Variants in SLC35F1 observed in about 807,000 individuals in gnomAD.
SLC35F1 encodes solute carrier family 35 member F1.
SLC35F1 carries 14 observed loss-of-function variants against 48.7 expected under a neutral mutation model. The observed-to-expected ratio is 0.29, with a 90% CI of 0.19 to 0.45. SLC35F1 has a LOEUF of 0.45. SLC35F1 is among the 20% of genes least tolerant of loss of function. The pLI, the probability that SLC35F1 is intolerant of heterozygous loss-of-function variation, is 1.00. For missense variants in SLC35F1, 404 were observed against 500.0 expected, an observed-to-expected ratio of 0.81 and a Z score of 1.83; for synonymous variants, 190 against 202.2, an observed-to-expected ratio of 0.94 and a Z score of 0.51.
intron 6 of SLC35F1, among the ~76,000 whole-genome samples, chr6:118,279,046 C>G (rs1442994910): frequency 1.3e-5 from 2 of 152,144 alleles, no homozygotes. Flanking sequence ...ACAGAGCCAT[C>G]CATTTAATTT....
chr6:117,919,010 C>T (rs1401058755), intron 1 of SLC35F1, among the ~76,000 whole-genome samples: 1 of 152,180 alleles, frequency 6.6e-6, no homozygotes, highest in Non-Finnish European at 1.5e-5. Context: ...ATCTTCCTGC[C>T]TCAGCCTCCC....
At chr6:118,212,219 G>A (rs1163774598) in intron 2 of SLC35F1, among the ~76,000 whole-genome samples, 2 of 152,100 alleles carry the variant, frequency 1.3e-5, no homozygotes, top group African/African-American at 2.4e-5. Context: ...ATTTGTTTCA[G>A]TAGTTGCATC....
intron 2 of SLC35F1, among the ~76,000 whole-genome samples, chr6:118,227,761 G>A (rs1233082670): frequency 6.6e-6 from 1 of 152,180 alleles, no homozygotes; most frequent in Non-Finnish European, 1.5e-5. Context: ...AAAGTGCTGA[G>A]GAACTGGGAA....
intron 1 of SLC35F1, among the ~76,000 whole-genome samples, chr6:118,040,449 C>T (rs1159274406): frequency 5.9e-5 from 9 of 152,124 alleles, no homozygotes. Context: ...TATGGTAGAA[C>T]TGGAAATTAT....
intron 1 of SLC35F1, among the ~76,000 whole-genome samples, chr6:118,056,311 T>C (rs576711486): frequency 1.8e-4 from 28 of 152,354 alleles, no homozygotes; most frequent in African/African-American, 5.3e-4. Flanking sequence ...CAATATCCTT[T>C]TATTTTCATT....
In SLC35F1 at chr6:117,966,765, A is replaced by G. The variant is rs140651725; in HGVS notation, c.173+58866A>G. ...CTGTGTCCAAATTTCCTCTTCTTGTAAAGCCATTAGCCATATTGGATTATG... is the reference window on the plus strand; with the variant it reads ...CTGTGTCCAAATTTCCTCTTCTTGTGAAGCCATTAGCCATATTGGATTATG... On this transcript the variant is annotated intron_variant, in intron 1 of 7. Coordinates refer to ENST00000360388, the MANE Select transcript of SLC35F1 (RefSeq NM_001029858.4). 1.1e-3 allele frequency among the ~76,000 whole-genome samples: 161 copies of G among 152,270 alleles called. 2 individuals are homozygous for G. In the East Asian group the frequency reaches 0.026, roughly 25 times the overall value.
intron 2 of SLC35F1, among the ~76,000 whole-genome samples, chr6:118,180,033 T>C (rs1279448683): frequency 6.6e-6 from 1 of 152,096 alleles, no homozygotes; most frequent in Non-Finnish European, 1.5e-5. Context: ...AATAGGGAAA[T>C]GTGCCTGTCT....
chr6:118,246,394 T>A (rs2114597696), intron 3 of SLC35F1, among the ~76,000 whole-genome samples: 1 of 152,256 alleles, frequency 6.6e-6, no homozygotes, highest in Admixed American at 6.5e-5. Context: ...TTTATGCCTA[T>A]TTTGCTGGAA....
chr6:118,205,358 C>G (rs987314545), intron 2 of SLC35F1, among the ~76,000 whole-genome samples: 4 of 152,200 alleles, frequency 2.6e-5, no homozygotes, highest in African/African-American at 9.7e-5. Context: ...CGAATGGCCA[C>G]TACGCACATC....
chr6:118,300,066 GC>G lies in SLC35F1; in HGVS notation c.1003-13959del, dbSNP rs537376916. Among the ~76,000 whole-genome samples, 458 of 152,292 alleles carry G rather than the reference GC, an allele frequency of 3.0e-3. 1 individual carries two copies. The highest frequency in any genetic ancestry group is 5.3e-3 in the Non-Finnish European group (359 of 68,020). On this transcript the variant is annotated intron_variant, in intron 7 of 7. Transcript: ENST00000360388. The stretch of plus-strand genomic sequence containing the variant: ...GCTAGTAGAATTGTTAGTACAATCA[GC>G]CCTCTGTATCCATGGGTTCCATATC...
At chr6:118,071,610 T>A (rs951382507) in intron 1 of SLC35F1, among the ~76,000 whole-genome samples, 3 of 152,126 alleles carry the variant, frequency 2.0e-5, no homozygotes, top group Non-Finnish European at 4.4e-5. Flanking sequence ...CTAGAGCACA[T>A]CACCAGAAAG....
chr6:118,133,679 A>G (rs770927351), intron 1 of SLC35F1, among the ~76,000 whole-genome samples: 7 of 152,186 alleles, frequency 4.6e-5, no homozygotes, highest in Non-Finnish European at 1.0e-4. Context: ...CCTTCTAGTA[A>G]TGCAGAGATC....
rs1771940860 is a variant in SLC35F1, at chr6:118,026,144, G to C, written c.173+118245G>C. ...AGTACAGAAGTTAGGAGTCATAAGA[G>C]AGATGTAGATAAAGGCTGTGGAAAT... is the stretch of plus-strand genomic sequence containing the variant. On this transcript the variant is annotated intron_variant, in intron 1 of 7. Transcript: ENST00000360388. Among the ~76,000 whole-genome samples, 5 of 152,164 alleles carry C rather than the reference G, an allele frequency of 3.3e-5. No homozygotes were observed. The South Asian group carries it at 6.2e-4, about 19-fold the overall frequency.
intron 1 of SLC35F1, among the ~76,000 whole-genome samples, chr6:118,153,930 T>C (rs950053821): frequency 2.0e-5 from 3 of 152,116 alleles, no homozygotes; most frequent in African/African-American, 4.8e-5. Flanking sequence ...GTGTAGCCCC[T>C]TCACCTAGGG....
At chr6:118,045,260 C>T (rs1163084443) in intron 1 of SLC35F1, among the ~76,000 whole-genome samples, 2 of 152,062 alleles carry the variant, frequency 1.3e-5, no homozygotes, top group Non-Finnish European at 2.9e-5. Flanking sequence ...GAAATTAGAC[C>T]TGCTTTGCAA....
At chr6:118,286,775 C>CTGTGTGTGTGTGTGTGTGTGTG (rs372641234) in intron 7 of SLC35F1, among the ~76,000 whole-genome samples, 7 of 143,578 alleles carry the variant, frequency 4.9e-5, no homozygotes, top group African/African-American at 1.6e-4. Flanking sequence ...TACCTTTTTT[C>CTGTGTGTGTGTGTGTGTGTGTG]TGTGTGTGTG....
intron 7 of SLC35F1, among the ~76,000 whole-genome samples, chr6:118,298,017 C>T (rs975201202): frequency 6.6e-6 from 1 of 151,930 alleles, no homozygotes; most frequent in African/African-American, 2.4e-5. Flanking sequence ...GACTTCCTCC[C>T]TGCTCTCTTG....
At chr6:118,142,843 G>C (rs1773910967) in intron 1 of SLC35F1, among the ~76,000 whole-genome samples, 1 of 152,102 alleles carries the variant, frequency 6.6e-6, no homozygotes, top group African/African-American at 2.4e-5. Flanking sequence ...TTGATGCAAA[G>C]AATGATGAAG....
chr6:118,075,123 G>A (rs992818076), intron 1 of SLC35F1, among the ~76,000 whole-genome samples: 3 of 152,134 alleles, frequency 2.0e-5, no homozygotes, highest in African/African-American at 4.8e-5. Context: ...TATTTAGTGG[G>A]AATTTTGGAT....
Sources: allele counts gnomAD v4.1 joint callset (sites outside exome capture counted in the v4.1 genomes callset), GRCh38; gene constraint gnomAD v4.1.1; transcripts MANE v1.5; gene names NCBI Gene and HGNC (gene_info 2026-07-23, HGNC 2026-07-21).